Variants in GFRA1 observed in about 807,000 individuals in gnomAD.
GFRA1 encodes GDNF family receptor alpha-1.
GFRA1 carries 16 observed loss-of-function variants against 51.6 expected under a neutral mutation model. That is an observed-to-expected ratio of 0.31 (90% CI 0.21 to 0.47). The LOEUF (loss-of-function observed/expected upper bound fraction) is 0.47, where lower values mean the gene tolerates loss of function less well. GFRA1 is among the 20% of genes least tolerant of loss of function. The probability of loss-of-function intolerance (pLI) is 1.00; values close to 1 mark genes in which losing one functional copy is unlikely to be tolerated. For missense variants in GFRA1, 530 were observed against 594.3 expected, an observed-to-expected ratio of 0.89 and a Z score of 1.13; for synonymous variants, 270 against 241.3, an observed-to-expected ratio of 1.12 and a Z score of -1.10.
chr10:116,113,522 T>A (rs1422034365), intron 6 of GFRA1, among the ~76,000 whole-genome samples: 1 of 152,184 alleles, frequency 6.6e-6, no homozygotes, highest in African/African-American at 2.4e-5. Context: ...ATTTTTGTTT[T>A]AACATAAATA....
At chr10:116,237,320 C>G (rs1298671387) in intron 4 of GFRA1, among the ~76,000 whole-genome samples, 1 of 152,108 alleles carries the variant, frequency 6.6e-6, no homozygotes, top group East Asian at 1.9e-4. Flanking sequence ...TTAACCACAC[C>G]TCTTGATGAT....
At chr10:116,070,586 A>G (rs974617522) in intron 9 of GFRA1, among the ~76,000 whole-genome samples, 9 of 152,198 alleles carry the variant, frequency 5.9e-5, no homozygotes, top group Non-Finnish European at 8.8e-5. Flanking sequence ...ATTTTAATAG[A>G]TAGACTCACC....
intron 4 of GFRA1, among the ~76,000 whole-genome samples, chr10:116,237,737 G>A (rs1967005552): frequency 6.6e-6 from 1 of 152,220 alleles, no homozygotes; most frequent in African/African-American, 2.4e-5. Context: ...GCAAAGACCT[G>A]GGTCCTACTG....
Position 116,209,830 on chromosome 10 carries a change from G to A in GFRA1, c.433+1801C>T, listed in dbSNP as rs150375996. Among the ~76,000 whole-genome samples the A allele has an allele frequency of 6.2e-3, 947 of 152,096 alleles. 5 individuals carry two copies. The highest frequency in any genetic ancestry group is 0.01 in the Non-Finnish European group (696 of 68,002). ...AAAGGTAAGGAGTGGGTACCAGCGGGCGAGTTCTTTGCCATTATTTTAGAG... is the reference window on the plus strand; with the variant it reads ...AAAGGTAAGGAGTGGGTACCAGCGGACGAGTTCTTTGCCATTATTTTAGAG... On this transcript the variant is annotated intron_variant, in intron 5 of 10. Coordinates refer to ENST00000355422, the MANE Select transcript of GFRA1 (RefSeq NM_005264.8).
intron 5 of GFRA1, among the ~76,000 whole-genome samples, chr10:116,126,244 T>G (rs1267829988): frequency 2.0e-5 from 3 of 152,256 alleles, no homozygotes; most frequent in African/African-American, 7.2e-5. Flanking sequence ...GGTTCTAGAT[T>G]AGAAAAATTC....
rs137875689 is a variant in GFRA1 at position 116,100,892 on chromosome 10, G to A, written c.771-4128C>T. Among the ~76,000 whole-genome samples the A allele has an allele frequency of 1.0e-3, 158 of 152,232 alleles. 1 individual carries two copies. The highest frequency in any genetic ancestry group is 3.6e-3 in the African/African-American group (148 of 41,514). On this transcript the variant is annotated intron_variant, in intron 6 of 10. Transcript: ENST00000355422. Reference sequence around the variant, plus strand: ...TCAATAGAATGAAAGTCAAAACTTCGGACTGGAGGGGTGAGAACAGAATCG... The same window carrying A: ...TCAATAGAATGAAAGTCAAAACTTCAGACTGGAGGGGTGAGAACAGAATCG...
chr10:116,166,245 G>A (rs576603427), intron 5 of GFRA1, among the ~76,000 whole-genome samples: 5 of 152,296 alleles, frequency 3.3e-5, no homozygotes, highest in South Asian at 2.1e-4. Flanking sequence ...TGTGGGTAGT[G>A]TTGCAATGAA....
intron 5 of GFRA1, among the ~76,000 whole-genome samples, chr10:116,175,229 T>C (rs575464537): frequency 6.6e-6 from 1 of 152,292 alleles, no homozygotes; most frequent in South Asian, 2.1e-4. Context: ...TCAGCTTTCC[T>C]CCAGGTTAAT....
At chr10:116,264,784 C>T (rs573049498) in intron 4 of GFRA1, among the ~76,000 whole-genome samples, 1 of 152,306 alleles carries the variant, frequency 6.6e-6, no homozygotes, top group African/African-American at 2.4e-5. Flanking sequence ...GCAGGGCCTT[C>T]ACTGGCCCAC....
intron 9 of GFRA1, among the ~76,000 whole-genome samples, chr10:116,080,093 A>AG (rs1955785366): frequency 6.6e-6 from 1 of 152,174 alleles, no homozygotes; most frequent in African/African-American, 2.4e-5. Flanking sequence ...GGTGGGACGA[A>AG]GGGGGACAGT....
At chr10:116,199,050 T>A (rs1964124970) in intron 5 of GFRA1, among the ~76,000 whole-genome samples, 2 of 152,034 alleles carry the variant, frequency 1.3e-5, no homozygotes, top group Admixed American at 6.6e-5. Flanking sequence ...CTGCTGAGAA[T>A]CCCCAGTAGC....
At chr10:116,195,906 T>C (rs1413209926) in intron 5 of GFRA1, among the ~76,000 whole-genome samples, 5 of 152,182 alleles carry the variant, frequency 3.3e-5, no homozygotes, top group African/African-American at 9.6e-5. Context: ...TGAATGTATG[T>C]TTCATCAGCC....
In GFRA1 at chr10:116,062,222, A is replaced by G. The variant is rs1834415776; in HGVS notation, c.*2176T>C. On this transcript the variant is annotated 3_prime_UTR_variant, in exon 11 of 11. Coordinates refer to ENST00000355422, the MANE Select transcript of GFRA1 (RefSeq NM_005264.8). ...GTGGATCACATAGAATCAGATCCCTATGAAATTAGTCCAGTGTAGATACAC... is the reference window on the plus strand; with the variant it reads ...GTGGATCACATAGAATCAGATCCCTGTGAAATTAGTCCAGTGTAGATACAC... 3 of 398,350 alleles carry G rather than the reference A, an allele frequency of 7.5e-6. No homozygotes were observed. The highest frequency in any genetic ancestry group is 1.3e-5 in the Non-Finnish European group (3 of 225,936). The allele number at this position is 398,350 out of a possible 1,614,324, so 24.7% of individuals were successfully genotyped here. A position where few individuals can be genotyped will look rare whatever the true frequency, so the allele number is the denominator to read the frequency against.
At chr10:116,065,723 A>C in intron 9 of GFRA1, 97 bp from the exon 10 acceptor site, 1 of 884,140 alleles carries the variant, frequency 1.1e-6, no homozygotes. Context: ...CTCTCTGATA[A>C]ATATGTGAGA....
In GFRA1 at chr10:116,063,704, A is replaced by G. The variant is rs1468331632; in HGVS notation, c.*694T>C. 1 of 152,426 alleles carries G rather than the reference A, an allele frequency of 6.6e-6. No homozygotes were observed. Among genetic ancestry groups the G allele is most frequent in the African/African-American group, 2.4e-5 (1 of 41,432 alleles). The allele number at this position is 152,426 out of a possible 1,614,324, so 9.4% of individuals were successfully genotyped here. ...AGGGATTGAGGTATTGAATCGGCAC[A>G]CTCATTCCCCACTCTCTATTTTGAC... On this transcript the variant is annotated 3_prime_UTR_variant, in exon 11 of 11. Transcript: ENST00000355422.
chr10:116,098,437 G>T (rs572572260), intron 6 of GFRA1, among the ~76,000 whole-genome samples: 1 of 152,274 alleles, frequency 6.6e-6, no homozygotes, highest in Admixed American at 6.5e-5. Flanking sequence ...AAGATGGCTC[G>T]GGCTTACTCA....
At chr10:116,134,056 C>G (rs910076326) in intron 5 of GFRA1, among the ~76,000 whole-genome samples, 1 of 152,124 alleles carries the variant, frequency 6.6e-6, no homozygotes, top group Non-Finnish European at 1.5e-5. Context: ...AACACAGATG[C>G]AAGCAACTAG....
At chr10:116,083,197 G>C (rs1430781473) in intron 9 of GFRA1, among the ~76,000 whole-genome samples, 1 of 152,230 alleles carries the variant, frequency 6.6e-6, no homozygotes, top group Non-Finnish European at 1.5e-5. Context: ...GGAAAGTGCG[G>C]AAGAACTGCT....
chr10:116,241,124 G>A (rs994427010), intron 4 of GFRA1, among the ~76,000 whole-genome samples: 6 of 115,724 alleles, frequency 5.2e-5, no homozygotes, highest in South Asian at 7.9e-4. Context: ...TTAGAATTTC[G>A]TAATACATTA....
Sources: allele counts gnomAD v4.1 joint callset (sites outside exome capture counted in the v4.1 genomes callset), GRCh38; gene constraint gnomAD v4.1.1; transcripts MANE v1.5; gene names NCBI Gene and HGNC (gene_info 2026-07-23, HGNC 2026-07-21).